The following CSMD1 variants were observed in gnomAD, a reference collection of about 807,000 sequenced individuals.
CSMD1 encodes CUB and sushi domain-containing protein 1.
In CSMD1, 213 loss-of-function variants were observed where a neutral mutation model predicts 417.5. That is an observed-to-expected ratio of 0.51 (90% CI 0.46 to 0.57). CSMD1 has a LOEUF of 0.57. Among genes scored for constraint, CSMD1 ranks in the 20% least tolerant of loss-of-function variants. CSMD1 has a pLI of 0.00. For synonymous variants in CSMD1, 2,862 were observed against 1,736.8 expected, an observed-to-expected ratio of 1.65 and a Z score of -16.11; for missense variants, 6,923 against 4,529.7, an observed-to-expected ratio of 1.53 and a Z score of -15.17.
Position 4,623,494 on chromosome 8 carries a change from A to C in CSMD1, c.302+13848T>G, listed in dbSNP as rs368729877. 5.3e-5 allele frequency among the ~76,000 whole-genome samples: 8 copies of C among 152,130 alleles called. No individual in the cohort carries two copies. The East Asian group carries it at 5.8e-4, about 11-fold the overall frequency. On this transcript the variant is annotated intron_variant, in intron 2 of 69. Transcript: ENST00000635120. ...CACTCTTGAATGTTTGACCACAGTAATTAAACTATTTTCCCCACAAAGACT... is the reference window on the plus strand; with the variant it reads ...CACTCTTGAATGTTTGACCACAGTACTTAAACTATTTTCCCCACAAAGACT...
intron 3 of CSMD1, among the ~76,000 whole-genome samples, chr8:4,201,132 G>C (rs922770134): frequency 1.3e-5 from 2 of 152,160 alleles, no homozygotes; most frequent in African/African-American, 4.8e-5. Flanking sequence ...ATCAATTACA[G>C]ATACCTTTGT....
intron 1 of CSMD1, among the ~76,000 whole-genome samples, chr8:4,642,752 T>C (rs1399148676): frequency 2.0e-5 from 3 of 152,216 alleles, no homozygotes; most frequent in African/African-American, 7.2e-5. Flanking sequence ...GCTGTGAAAA[T>C]AATTACTTGG....
chr8:3,128,426 T>A (rs906418076), intron 41 of CSMD1: 1 of 161,986 alleles, frequency 6.2e-6, no homozygotes, highest in Non-Finnish European at 1.4e-5. Context: ...TACATGGTCA[T>A]AAATAAATGA....
chr8:3,480,363 C>A (rs1817672700), intron 11 of CSMD1, among the ~76,000 whole-genome samples: 1 of 151,916 alleles, frequency 6.6e-6, no homozygotes, highest in Admixed American at 6.6e-5. Context: ...AAGACTCTGT[C>A]TCAAAAATAA....
chr8:4,835,972 C>A (rs1006534060), intron 1 of CSMD1, among the ~76,000 whole-genome samples: 3 of 151,836 alleles, frequency 2.0e-5, no homozygotes, highest in Non-Finnish European at 4.4e-5. Context: ...TAATTAGGTA[C>A]CTTCTAAATG....
intron 26 of CSMD1, among the ~76,000 whole-genome samples, chr8:3,272,002 G>A (rs1235069381): frequency 6.6e-6 from 1 of 151,920 alleles, no homozygotes; most frequent in Non-Finnish European, 1.5e-5. Context: ...TGCAGTCCTT[G>A]CCCATGCCTA....
intron 5 of CSMD1, among the ~76,000 whole-genome samples, chr8:3,787,920 T>G (rs1263614144): frequency 6.6e-6 from 1 of 152,162 alleles, no homozygotes; most frequent in African/African-American, 2.4e-5. Context: ...TCTCTGTAGT[T>G]GTGAGGGGAA....
At chr8:4,164,439 G>C (rs570561272) in intron 3 of CSMD1, among the ~76,000 whole-genome samples, 1 of 152,100 alleles carries the variant, frequency 6.6e-6, no homozygotes, top group Non-Finnish European at 1.5e-5. Context: ...GGTGACCTCT[G>C]AAACAGCCTG....
At chr8:4,756,928 G>C (rs1464977198) in intron 1 of CSMD1, among the ~76,000 whole-genome samples, 3 of 152,230 alleles carry the variant, frequency 2.0e-5, no homozygotes, top group African/African-American at 7.2e-5. Context: ...AGCTGTGAAA[G>C]CTGAATGTTT....
intron 12 of CSMD1, among the ~76,000 whole-genome samples, chr8:3,420,271 G>T (rs991016083): frequency 4.0e-5 from 6 of 151,852 alleles, no homozygotes; most frequent in Admixed American, 6.6e-5. Flanking sequence ...ACAACCTGAG[G>T]AATAGTCTAC....
intron 10 of CSMD1, among the ~76,000 whole-genome samples, chr8:3,516,910 C>T (rs1008655653): frequency 3.3e-5 from 5 of 152,258 alleles, no homozygotes; most frequent in South Asian, 2.1e-4. Flanking sequence ...ACTGCAAAAT[C>T]GTAGAACCAA....
intron 1 of CSMD1, among the ~76,000 whole-genome samples, chr8:4,645,444 C>CAAAAAAAAAA (rs549511320): frequency 0.02 from 721 of 36,852 alleles, 235 homozygotes; most frequent in South Asian, 0.051. Flanking sequence ...AGTGCAGGGG[C>CAAAAAAAAAA]AAAAAAAAAA....
chr8:4,181,942 G>A (rs917480174), intron 3 of CSMD1, among the ~76,000 whole-genome samples: 2 of 99,910 alleles, frequency 2.0e-5, no homozygotes, highest in Admixed American at 2.6e-4. Context: ...AGGTGATTCT[G>A]TTTGTCTGTG....
intron 26 of CSMD1, among the ~76,000 whole-genome samples, chr8:3,239,160 A>T (rs1272681321): frequency 6.6e-6 from 1 of 152,158 alleles, no homozygotes; most frequent in Non-Finnish European, 1.5e-5. Flanking sequence ...TGAGCTTGGT[A>T]AGGTTTTAAA....
intron 2 of CSMD1, among the ~76,000 whole-genome samples, chr8:4,614,242 C>T (rs1314749776): frequency 2.0e-5 from 3 of 152,052 alleles, no homozygotes; most frequent in African/African-American, 7.2e-5. Context: ...GGAGATGGAC[C>T]CAAGACTAGT....
intron 37 of CSMD1, among the ~76,000 whole-genome samples, chr8:3,177,542 G>A (rs938215604): frequency 6.6e-6 from 1 of 152,288 alleles, no homozygotes; most frequent in East Asian, 1.9e-4. Flanking sequence ...ATCTCTAGGA[G>A]ACCATTACAA....
At position 4,463,534 on chromosome 8, in the gene CSMD1, C is replaced by T. The variant is rs377748927; in HGVS notation, c.303-43469G>A. On this transcript the variant is annotated intron_variant, in intron 2 of 69. Coordinates refer to ENST00000635120, the MANE Select transcript of CSMD1 (RefSeq NM_033225.6). ...AAATGTCAGTCAACCGATGAAAAAACATGGTCTATATCCATCATATTAAAT... is the reference window on the plus strand; with the variant it reads ...AAATGTCAGTCAACCGATGAAAAAATATGGTCTATATCCATCATATTAAAT... 1.8e-4 allele frequency among the ~76,000 whole-genome samples: 28 copies of T among 152,188 alleles called. No individual in the cohort carries two copies. In the South Asian group the frequency reaches 5.8e-3, roughly 32 times the overall value.
At chr8:4,881,351 C>G (rs1424494529) in intron 1 of CSMD1, among the ~76,000 whole-genome samples, 7 of 151,898 alleles carry the variant, frequency 4.6e-5, no homozygotes, top group Non-Finnish European at 1.0e-4. Flanking sequence ...ACTATGGTTA[C>G]ACAGTAACTA....
chr8:4,601,686 A>G (rs1800593429), intron 2 of CSMD1, among the ~76,000 whole-genome samples: 1 of 152,168 alleles, frequency 6.6e-6, no homozygotes, highest in Non-Finnish European at 1.5e-5. Context: ...TCATCATGCA[A>G]TGAGGGGATC....
Sources: gnomAD v4.1 joint callset for allele counts (sites outside exome capture counted in the v4.1 genomes callset) on GRCh38, gnomAD v4.1.1 for gene constraint, MANE v1.5 for transcripts, NCBI Gene and HGNC (gene_info 2026-07-23, HGNC 2026-07-21) for gene names.